Variants in EIF5A observed in about 807,000 individuals in gnomAD.
EIF5A encodes the protein eukaryotic translation initiation factor 5A-1.
A neutral mutation model predicts 16.6 loss-of-function variants in EIF5A; 1 was observed. That is an observed-to-expected ratio of 0.06 (90% CI 0.02 to 0.28). The LOEUF is 0.28. Ranked by LOEUF, EIF5A falls within the 10% of genes least tolerant of loss-of-function variation. The pLI, the probability that EIF5A is intolerant of heterozygous loss-of-function variation, is 1.00. For missense variants in EIF5A, 29 were observed against 196.1 expected (o/e 0.15, Z 5.09); for synonymous variants, 80 against 73.6 (o/e 1.09, Z -0.44).
At chr17:7,310,216 G>C in intron 2 of EIF5A, 1 of 1,290,754 alleles carries the variant, frequency 7.7e-7, no homozygotes, top group Non-Finnish European at 1.0e-6. Context: ...AGGGACTCCT[G>C]CGTCAATTCT....
chr17:7,310,641 T>C, intron 2 of EIF5A: 1 of 985,414 alleles, frequency 1.0e-6, no homozygotes, highest in Non-Finnish European at 1.2e-6. Context: ...TCCTTTCCCT[T>C]CTACCTTCCT....
chr17:7,310,008 C>T (rs568687614), intron 2 of EIF5A: 166 of 1,521,648 alleles, frequency 1.1e-4, no homozygotes, highest in Middle Eastern at 1.7e-4. Context: ...CTTCTGTCCC[C>T]GCATCATTCT....
chr17:7,311,538 G>A (rs978360433), intron 4 of EIF5A, 40 bp from the exon 5 acceptor site: 1 of 1,613,990 alleles, frequency 6.2e-7, no homozygotes, highest in Non-Finnish European at 8.5e-7. Context: ...GTTTCTTCCT[G>A]AGCTCAGACA....
At chr17:7,310,874 G>A in intron 2 of EIF5A, 144 bp from the exon 3 acceptor site, 2 of 1,423,890 alleles carry the variant, frequency 1.4e-6, no homozygotes, top group South Asian at 3.2e-5. Context: ...ACTGTTTCTT[G>A]AGTTGACTGG....
intron 1 of EIF5A, chr17:7,307,991 GAGGCAGCCACGCGGGAGAGGCCGCC>G: frequency 4.1e-6 from 4 of 985,288 alleles, no homozygotes; most frequent in Non-Finnish European, 4.8e-6. Context: ...GGCGAGCCGC[GAGGCAGCCACGCGGGAGAGGCCGCC>G]AGGCGGCCAC....
chr17:7,311,032 T>C lies in EIF5A; in HGVS notation c.180T>C (p.Gly60=), dbSNP rs774507665. The C allele has an allele frequency of 6.2e-7, 1 of 1,613,638 alleles. No homozygotes were observed. The highest frequency in any genetic ancestry group is 1.1e-5 in the South Asian group (1 of 91,018). Residue 60 remains glycine, a synonymous_variant, in exon 3 of 6, where the codon GGT becomes GGC. Transcript: ENST00000336458. ...KHGHAKVHLV[G]IDIFTGKKYE... ...CATACATACAGGTCCATCTGGTTGG[T>C]ATTGACATCTTTACTGGGAAGAAAT...
intron 1 of EIF5A, among the ~76,000 whole-genome samples, chr17:7,309,168 T>G (rs929678839): frequency 2.0e-5 from 3 of 150,352 alleles, no homozygotes; most frequent in Non-Finnish European, 4.4e-5. Context: ...GGCCTTGTCC[T>G]CCGGTCTCCA....
At chr17:7,309,402 G>A (rs942468027) in intron 1 of EIF5A, among the ~76,000 whole-genome samples, 1 of 152,148 alleles carries the variant, frequency 6.6e-6, no homozygotes, top group Non-Finnish European at 1.5e-5. Context: ...TTTGATTTAT[G>A]GGGGAGAAAC....
Position 7,307,775 on chromosome 17 carries a change from T to C in EIF5A, c.-22+23T>C. ...GAGGTGAGAGCGGGCAGGGCGCGTG[T>C]GCGCGGTACCTTGGCTTGGGCCCGG... On this transcript the variant is annotated intron_variant, in intron 1 of 5. Transcript: ENST00000336458. 3.0e-6 allele frequency: 3 copies of C among 984,516 alleles called. No homozygotes were observed. The South Asian group carries it at 1.3e-4, about 42-fold the overall frequency. The allele number at this position is 984,516 out of a possible 1,614,324, so 61.0% of individuals were successfully genotyped here.
chr17:7,310,840 T>G (rs534654034), intron 2 of EIF5A, 178 bp from the exon 3 acceptor site: 1 of 985,330 alleles, frequency 1.0e-6, no homozygotes, highest in East Asian at 1.1e-4. Context: ...TTTTAGCCTC[T>G]GTTTTTTTTC....
intron 1 of EIF5A, chr17:7,308,358 G>A: frequency 8.5e-7 from 1 of 1,175,484 alleles, no homozygotes; most frequent in South Asian, 1.6e-5. Flanking sequence ...AGCCCGGAAC[G>A]GCCACATGGT....
intron 3 of EIF5A, 26 bp downstream of exon 3, chr17:7,311,148 G>A: frequency 1.9e-6 from 3 of 1,611,178 alleles, no homozygotes; most frequent in Non-Finnish European, 2.5e-6. Flanking sequence ...GGATGAGGAT[G>A]GGTTAGCGGT....
At chr17:7,311,692 T>C in intron 5 of EIF5A, 41 bp downstream of exon 5, 2 of 1,612,330 alleles carry the variant, frequency 1.2e-6, no homozygotes, top group Non-Finnish European at 1.7e-6. Flanking sequence ...TCACATTTTG[T>C]TGTCCTCAGC....
In EIF5A at chr17:7,309,599, C is replaced by T; in HGVS notation, c.-21-16C>T. On this transcript the variant is annotated splice_polypyrimidine_tract_variant and intron_variant, in intron 1 of 5. Coordinates refer to ENST00000336458, the MANE Select transcript of EIF5A (RefSeq NM_001970.5). ...ACCTCCATGCTTATTCACTTCAGTTCTCTTCTTGGCTCTAGTTGGAATCGA... is the reference window on the plus strand; with the variant it reads ...ACCTCCATGCTTATTCACTTCAGTTTTCTTCTTGGCTCTAGTTGGAATCGA... 6.2e-7 allele frequency: 1 copy of T among 1,613,910 alleles called. No homozygotes were observed. The highest frequency in any genetic ancestry group is 8.5e-7 in the Non-Finnish European group (1 of 1,180,016).
At chr17:7,308,119 G>A in intron 1 of EIF5A, 1 of 1,002,596 alleles carries the variant, frequency 1.0e-6, no homozygotes, top group Non-Finnish European at 1.2e-6. Flanking sequence ...GTGAGGTGGG[G>A]GAGGGGGCTA....
At position 7,310,178 on chromosome 17, in the gene EIF5A, G is replaced by A. The variant is rs748273714; in HGVS notation, c.165+378G>A. ...GGTTGCTTCCATCACGTTGCCCAGGGTTTCTCCAATTCTACGCCTTCCCCT... is the reference window on the plus strand; with the variant it reads ...GGTTGCTTCCATCACGTTGCCCAGGATTTCTCCAATTCTACGCCTTCCCCT... On this transcript the variant is annotated intron_variant, in intron 2 of 5. Transcript: ENST00000336458. 21 of 1,294,118 alleles carry A rather than the reference G, an allele frequency of 1.6e-5. No homozygotes were observed. The South Asian group carries it at 2.1e-4, about 13-fold the overall frequency. 80.2% of individuals were successfully genotyped at this position (1,294,118 alleles called of 1,614,324 possible). A position where few individuals can be genotyped will look rare whatever the true frequency, so the allele number is the denominator to read the frequency against.
At position 7,311,637 on chromosome 17, in the gene EIF5A, A is replaced by G; in HGVS notation, c.462A>G (p.Lys154=). 3.7e-6 allele frequency: 6 copies of G among 1,614,118 alleles called. No homozygotes were observed. The highest frequency in any genetic ancestry group is 4.2e-6 in the Non-Finnish European group (5 of 1,180,032). ...EAAVAIKAMA[K] is the part of the protein sequence containing the mutation. ...CTGTTGCAATCAAGGCCATGGCAAA[A>G]TAACTGGCTCCCAGGTGAGTGTGAC... Residue 154 remains lysine (K), a synonymous_variant, in exon 5 of 6, where the codon AAA becomes AAG. Transcript: ENST00000336458.
upstream of EIF5A, chr17:7,307,441 C>T (rs1433486488): frequency 1.6e-5 from 17 of 1,054,482 alleles, no homozygotes; most frequent in Non-Finnish European, 1.9e-5. Context: ...TAGTTGAAAA[C>T]GCTCAGGGTT....
chr17:7,309,378 G>A (rs759252096), intron 1 of EIF5A, among the ~76,000 whole-genome samples: 1 of 152,148 alleles, frequency 6.6e-6, no homozygotes, highest in Admixed American at 6.5e-5. Flanking sequence ...CCTTTCCCAA[G>A]CCACCACTTT....
Sources: allele counts gnomAD v4.1 joint callset (sites outside exome capture counted in the v4.1 genomes callset), GRCh38; gene constraint gnomAD v4.1.1; transcripts MANE v1.5; gene names NCBI Gene and HGNC (gene_info 2026-07-23, HGNC 2026-07-21).